Variants in GRID2 observed in about 807,000 individuals in gnomAD.
GRID2 encodes the protein glutamate ionotropic receptor delta type subunit 2, also known as glutamate receptor ionotropic, delta-2.
Under a neutral mutation model 114.8 loss-of-function variants are expected in GRID2, and 33 were observed. The ratio of observed to expected loss-of-function variants is 0.29; its 90% CI spans 0.22 to 0.38. GRID2 has a LOEUF of 0.38. Ranked by LOEUF, GRID2 falls within the 10% of genes least tolerant of loss-of-function variation. The pLI is 1.00. For missense variants in GRID2, 1,184 were observed against 1,257.7 expected (o/e 0.94, Z 0.89); for synonymous variants, 505 against 449.9 (o/e 1.12, Z -1.55).
intron 14 of GRID2, among the ~76,000 whole-genome samples, chr4:93,672,512 T>C (rs933316465): frequency 6.6e-6 from 1 of 152,262 alleles, no homozygotes; most frequent in African/African-American, 2.4e-5. Flanking sequence ...AAACGTGGCA[T>C]GCCAGCTTCC....
chr4:92,441,265 C>A (rs150662174), intron 1 of GRID2, among the ~76,000 whole-genome samples: 23 of 149,430 alleles, frequency 1.5e-4, no homozygotes, highest in African/African-American at 4.5e-4. Flanking sequence ...GAGAATTATG[C>A]CGAGATAGGT....
intron 4 of GRID2, among the ~76,000 whole-genome samples, chr4:93,203,672 T>C (rs1290781519): frequency 6.6e-6 from 1 of 152,154 alleles, no homozygotes; most frequent in Non-Finnish European, 1.5e-5. Context: ...AAAGATAAGA[T>C]GGGCTAAATT....
At position 93,688,199 on chromosome 4, in the gene GRID2, T is replaced by C. The variant is rs1172639297; in HGVS notation, c.2360+61764T>C. On this transcript the variant is annotated intron_variant, in intron 14 of 15. Transcript: ENST00000282020. ...CTGTCTCAGAAAATAAAAACAAGGC[T>C]ACTAGAAAAACAGTATTTTTTTTTC... Among the ~76,000 whole-genome samples, 7 of 152,036 alleles carry C rather than the reference T, an allele frequency of 4.6e-5. No individual in the cohort carries two copies. In the East Asian group the frequency reaches 1.4e-3, roughly 29 times the overall value.
At position 92,665,053 on chromosome 4, in the gene GRID2, C is replaced by A. The variant is rs115055768; in HGVS notation, c.244+74767C>A. On this transcript the variant is annotated intron_variant, in intron 2 of 15. Transcript: ENST00000282020. ...TAAAGTAATTACTGATAAGGAAAAT[C>A]TTCTGTCATTTTGCCATTTTTTTCT... Among the ~76,000 whole-genome samples the A allele has an allele frequency of 4.7e-3, 697 of 147,980 alleles. 5 individuals carry two copies. Among genetic ancestry groups the A allele is most frequent in the African/African-American group, 0.016 (660 of 40,536 alleles).
Position 93,624,886 on chromosome 4 carries a change from A to G in GRID2, c.2194-1383A>G, listed in dbSNP as rs370559471. On this transcript the variant is annotated intron_variant, in intron 13 of 15. Coordinates refer to ENST00000282020, the MANE Select transcript of GRID2 (RefSeq NM_001510.4). ...ACTGAGGGGAAAAAAAATAATCACT[A>G]AAGACATTGTAAGTGAACCAGAGTA... Among the ~76,000 whole-genome samples, 3 of 152,032 alleles carry G rather than the reference A, an allele frequency of 2.0e-5. No homozygotes were observed. In the South Asian group the frequency reaches 6.2e-4, roughly 32 times the overall value.
At chr4:93,631,852 T>G (rs903976617) in intron 14 of GRID2, among the ~76,000 whole-genome samples, 1 of 152,218 alleles carries the variant, frequency 6.6e-6, no homozygotes, top group Admixed American at 6.5e-5. Context: ...AGTGTTCCTA[T>G]TTCTCCACAT....
intron 2 of GRID2, among the ~76,000 whole-genome samples, chr4:92,865,357 A>G (rs1210423547): frequency 6.6e-6 from 1 of 152,234 alleles, no homozygotes; most frequent in East Asian, 1.9e-4. Flanking sequence ...AATAAAATAC[A>G]AGGTCTTTTT....
intron 2 of GRID2, among the ~76,000 whole-genome samples, chr4:93,007,417 G>A (rs1040779171): frequency 7.9e-5 from 12 of 152,062 alleles, no homozygotes; most frequent in East Asian, 1.9e-4. Context: ...TTAGGTTGTC[G>A]TGAGAAATCT....
At position 93,733,656 on chromosome 4, in the gene GRID2, A is replaced by AGTTTT. The variant is rs750536307; in HGVS notation, c.2361-35538_2361-35534dup. ...CAAATCCCAAACATTTCAGTGCTTG[A>AGTTTT]GTTTTGTTTTGTTTTGTTTTCCCCC... On this transcript the variant is annotated intron_variant, in intron 14 of 15. Transcript: ENST00000282020. 2.0e-5 allele frequency among the ~76,000 whole-genome samples: 3 copies of AGTTTT among 152,016 alleles called. No individual in the cohort carries two copies. The East Asian group carries it at 5.8e-4, about 29-fold the overall frequency.
At chr4:93,651,268 CAAAG>C (rs1722555204) in intron 14 of GRID2, among the ~76,000 whole-genome samples, 1 of 152,140 alleles carries the variant, frequency 6.6e-6, no homozygotes. Context: ...TCCTTTCCAC[CAAAG>C]ATGACCTTGT....
chr4:93,128,024 CAACAAAAAAAAAAAAAA>C (rs1734433676), intron 4 of GRID2, among the ~76,000 whole-genome samples: 1 of 19,004 alleles, frequency 5.3e-5, no homozygotes, highest in Non-Finnish European at 9.3e-5. Context: ...TTGTCCCCCG[CAACAAAAAAAAAAAAAA>C]AAAAAAAAAA....
chr4:93,461,685 C>A (rs1391456045), intron 11 of GRID2, among the ~76,000 whole-genome samples: 1 of 152,048 alleles, frequency 6.6e-6, no homozygotes, highest in Non-Finnish European at 1.5e-5. Flanking sequence ...GCAGTATGGT[C>A]CATTATAGAG....
chr4:93,466,486 A>T (rs962296825), intron 11 of GRID2, among the ~76,000 whole-genome samples: 4 of 152,192 alleles, frequency 2.6e-5, no homozygotes, highest in African/African-American at 9.6e-5. Flanking sequence ...GCAGTTTTGC[A>T]GTCATATTTA....
chr4:93,774,845 C>T (rs1382862619), downstream of GRID2, among the ~76,000 whole-genome samples: 1 of 151,704 alleles, frequency 6.6e-6, no homozygotes, highest in African/African-American at 2.4e-5. Flanking sequence ...AAAGATTTAT[C>T]CTGTTTCATG....
At chr4:92,434,357 G>C (rs1433214336) in intron 1 of GRID2, among the ~76,000 whole-genome samples, 2 of 152,122 alleles carry the variant, frequency 1.3e-5, no homozygotes, top group Admixed American at 1.3e-4. Context: ...GTGTATATTT[G>C]GGATTTGAAG....
chr4:93,080,956 C>A (rs973027060), intron 2 of GRID2, among the ~76,000 whole-genome samples: 1 of 152,148 alleles, frequency 6.6e-6, no homozygotes, highest in Non-Finnish European at 1.5e-5. Flanking sequence ...GAGGCCAAAC[C>A]TGTCTTTTGA....
At chr4:93,411,581 C>T (rs1205734655) in intron 9 of GRID2, among the ~76,000 whole-genome samples, 1 of 151,978 alleles carries the variant, frequency 6.6e-6, no homozygotes, top group Non-Finnish European at 1.5e-5. Context: ...ACTACAGGTG[C>T]ATGCCACTAC....
In GRID2 at chr4:93,664,851, G is replaced by T. The variant is rs80345956; in HGVS notation, c.2360+38416G>T. On this transcript the variant is annotated intron_variant, in intron 14 of 15. Transcript: ENST00000282020. ...CCTAATGTGTAAGTTAGAGTTGTGA[G>T]AATTCAACAAAAGAAGAGGTATAAT... Among the ~76,000 whole-genome samples the T allele has an allele frequency of 9.0e-4, 137 of 152,224 alleles. 4 individuals carry two copies. In the East Asian group the frequency reaches 0.026, roughly 29 times the overall value.
chr4:92,773,283 G>T (rs918929169), intron 2 of GRID2, among the ~76,000 whole-genome samples: 10 of 152,156 alleles, frequency 6.6e-5, no homozygotes, highest in Non-Finnish European at 1.0e-4. Flanking sequence ...GAAGAAATGT[G>T]TTTTGAAGCT....
Sources: allele counts gnomAD v4.1 joint callset (sites outside exome capture counted in the v4.1 genomes callset), GRCh38; gene constraint gnomAD v4.1.1; transcripts MANE v1.5; gene names NCBI Gene and HGNC (gene_info 2026-07-23, HGNC 2026-07-21).